The following NRG3 variants were observed in gnomAD, a reference collection of about 807,000 sequenced individuals.
The protein encoded by NRG3 is pro-neuregulin-3, membrane-bound isoform.
NRG3 carries 31 observed loss-of-function variants against 66.9 expected under a neutral mutation model. The ratio of observed to expected loss-of-function variants is 0.46; its 90% confidence interval spans 0.35 to 0.63. NRG3 has a LOEUF of 0.63. Among genes scored for constraint, NRG3 ranks in the 20% least tolerant of loss-of-function variants. The probability of loss-of-function intolerance (pLI) is 0.00; values close to 1 mark genes in which losing one functional copy is unlikely to be tolerated. For missense variants in NRG3, 910 were observed against 878.9 expected, an observed-to-expected ratio of 1.04 and a Z score of -0.45; for synonymous variants, 393 against 359.4, an observed-to-expected ratio of 1.09 and a Z score of -1.06.
chr10:82,140,248 C>T (rs906426626), intron 1 of NRG3, among the ~76,000 whole-genome samples: 2 of 151,932 alleles, frequency 1.3e-5, no homozygotes, highest in African/African-American at 4.8e-5. Flanking sequence ...CCTCTTGTGT[C>T]AGATCTCTAG....
At chr10:82,387,999 C>A (rs2086117749) in intron 2 of NRG3, among the ~76,000 whole-genome samples, 2 of 152,078 alleles carry the variant, frequency 1.3e-5, no homozygotes, top group African/African-American at 4.8e-5. Context: ...GTATAAATTG[C>A]TACAATGAAG....
At chr10:82,101,002 C>A (rs900464080) in intron 1 of NRG3, among the ~76,000 whole-genome samples, 8 of 152,034 alleles carry the variant, frequency 5.3e-5, no homozygotes, top group Admixed American at 6.5e-5. Context: ...AAGTTTTTAA[C>A]ACACATTAGT....
chr10:82,771,502 C>T (rs1006339735), intron 3 of NRG3, among the ~76,000 whole-genome samples: 1 of 152,026 alleles, frequency 6.6e-6, no homozygotes, highest in African/African-American at 2.4e-5. Context: ...CTCGTGATGC[C>T]CCCAGCAGTC....
At chr10:82,498,381 C>T (rs538150990) in intron 2 of NRG3, among the ~76,000 whole-genome samples, 2 of 151,958 alleles carry the variant, frequency 1.3e-5, no homozygotes, top group South Asian at 2.1e-4. Context: ...TATATGAACT[C>T]GCAGGAAGCA....
At chr10:82,046,230 C>T (rs1369598128) in intron 1 of NRG3, among the ~76,000 whole-genome samples, 2 of 139,762 alleles carry the variant, frequency 1.4e-5, no homozygotes, top group South Asian at 2.5e-4. Context: ...TCTTTGTATC[C>T]TCTTTTATTT....
chr10:82,337,755 G>A (rs112267961), intron 1 of NRG3, among the ~76,000 whole-genome samples: 4,307 of 152,154 alleles, frequency 0.028, 184 homozygotes, highest in African/African-American at 0.094. Flanking sequence ...TTGGATGTAT[G>A]TATATATTCT....
chr10:82,316,154 C>T (rs1342475610), intron 1 of NRG3, among the ~76,000 whole-genome samples: 5 of 151,906 alleles, frequency 3.3e-5, no homozygotes, highest in East Asian at 1.9e-4. Context: ...TCAACCCCCG[C>T]GAAAAGAGTG....
intron 2 of NRG3, among the ~76,000 whole-genome samples, chr10:82,725,066 A>G (rs2057521634): frequency 6.6e-6 from 1 of 152,142 alleles, no homozygotes; most frequent in Non-Finnish European, 1.5e-5. Context: ...CTGTGATTTT[A>G]GGTTATCATT....
chr10:81,929,527 G>T (rs558462033), intron 1 of NRG3, among the ~76,000 whole-genome samples: 2 of 152,278 alleles, frequency 1.3e-5, no homozygotes, highest in Admixed American at 1.3e-4. Flanking sequence ...GATGGGTTGG[G>T]TGACTGAAAC....
At chr10:82,069,672 A>G (rs555119880) in intron 1 of NRG3, among the ~76,000 whole-genome samples, 1 of 152,336 alleles carries the variant, frequency 6.6e-6, no homozygotes, top group South Asian at 2.1e-4. Context: ...TCATACAAAG[A>G]AAACAAAAAG....
chr10:82,953,775 T>C (rs1411347878), intron 5 of NRG3, among the ~76,000 whole-genome samples: 1 of 151,744 alleles, frequency 6.6e-6, no homozygotes, highest in Non-Finnish European at 1.5e-5. Flanking sequence ...CTGGCCAACA[T>C]GGTGAAATTC....
intron 1 of NRG3, among the ~76,000 whole-genome samples, chr10:82,151,607 G>C (rs187978385): frequency 9.3e-4 from 142 of 152,250 alleles, no homozygotes; most frequent in Non-Finnish European, 1.8e-3. Context: ...TCTGTAATTT[G>C]TAAGTAGCAT....
intron 1 of NRG3, among the ~76,000 whole-genome samples, chr10:82,173,688 C>CACACAG (rs1213400244): frequency 2.0e-5 from 3 of 148,954 alleles, no homozygotes. Context: ...CACACACACA[C>CACACAG]ACACACACAC....
intron 1 of NRG3, among the ~76,000 whole-genome samples, chr10:82,287,948 A>G (rs1245748834): frequency 6.6e-6 from 1 of 152,194 alleles, no homozygotes; most frequent in Non-Finnish European, 1.5e-5. Flanking sequence ...CTGTGTCAAC[A>G]AAGTTGACCT....
rs112359635 is a variant in NRG3 at position 81,981,669 on chromosome 10, A to G, written c.823+105506A>G. 8.2e-3 allele frequency among the ~76,000 whole-genome samples: 1,251 copies of G among 152,312 alleles called. 17 individuals are homozygous for G. The highest frequency in any genetic ancestry group is 0.028 in the African/African-American group (1,181 of 41,580). On this transcript the variant is annotated intron_variant, in intron 1 of 8. Coordinates refer to ENST00000372141, the MANE Select transcript of NRG3 (RefSeq NM_001010848.4). ...CCATCCTCCCACCAGACCTGGGCCC[A>G]TGGTGAGAGTGGCAGTCCCGCCAAT...
At chr10:82,902,425 G>A (rs144690585) in intron 4 of NRG3, among the ~76,000 whole-genome samples, 21 of 152,114 alleles carry the variant, frequency 1.4e-4, no homozygotes, top group African/African-American at 3.6e-4. Context: ...AAAGAAAGAC[G>A]TAATAGTCAA....
At chr10:82,303,489 G>A (rs971935065) in intron 1 of NRG3, among the ~76,000 whole-genome samples, 1 of 152,180 alleles carries the variant, frequency 6.6e-6, no homozygotes, top group Non-Finnish European at 1.5e-5. Flanking sequence ...GTCAGTGACT[G>A]ATAAAAATGT....
intron 1 of NRG3, among the ~76,000 whole-genome samples, chr10:81,939,629 C>T (rs1429201215): frequency 1.3e-5 from 2 of 150,632 alleles, no homozygotes; most frequent in Non-Finnish European, 3.0e-5. Flanking sequence ...TCTTTCATTT[C>T]TGGTTTTTGT....
At chr10:81,980,872 A>T (rs987107687) in intron 1 of NRG3, among the ~76,000 whole-genome samples, 1 of 152,086 alleles carries the variant, frequency 6.6e-6, no homozygotes, top group Non-Finnish European at 1.5e-5. Flanking sequence ...CATCTCTGGC[A>T]TGTTTTTGTG....
Sources: gnomAD v4.1 joint callset for allele counts (sites outside exome capture counted in the v4.1 genomes callset) on GRCh38, gnomAD v4.1.1 for gene constraint, MANE v1.5 for transcripts, NCBI Gene and HGNC (gene_info 2026-07-23, HGNC 2026-07-21) for gene names.